The following FBXL13 variants were observed in gnomAD, a reference collection of about 807,000 sequenced individuals.
FBXL13 encodes F-box and leucine-rich repeat protein 13.
In FBXL13, 67 loss-of-function variants were observed where a neutral mutation model predicts 83.6. That is an observed-to-expected ratio of 0.80 (90% CI 0.66 to 0.98). The LOEUF (loss-of-function observed/expected upper bound fraction) is 0.98. Among genes scored for constraint, FBXL13 ranks in the 50% least tolerant of loss-of-function variants. FBXL13 has a pLI of 0.00. For synonymous variants in FBXL13, 272 were observed against 299.5 expected, an observed-to-expected ratio of 0.91 and a Z score of 0.95; for missense variants, 822 against 866.5, an observed-to-expected ratio of 0.95 and a Z score of 0.64.
exon 14 of FBXL13, chr7:102,883,361 G>A (rs1423387735): frequency 6.2e-7 from 1 of 1,613,560 alleles, no homozygotes; most frequent in South Asian, 1.1e-5. Flanking sequence ...AAAGGGATCT[G>A]AGGCTGCTGT....
intron 18 of FBXL13, among the ~76,000 whole-genome samples, chr7:102,826,746 T>TC (rs1799741324): frequency 1.0e-5 from 1 of 97,258 alleles, no homozygotes; most frequent in African/African-American, 5.0e-5. Flanking sequence ...TATATATATA[T>TC]ATATATATAT....
chr7:102,847,730 T>A (rs1178588415), intron 17 of FBXL13, among the ~76,000 whole-genome samples: 2 of 152,102 alleles, frequency 1.3e-5, no homozygotes, highest in Non-Finnish European at 2.9e-5. Flanking sequence ...GGTTTCACCA[T>A]GTTGGGCAGG....
chr7:102,877,368 A>C lies in FBXL13; in HGVS notation c.1635+99T>G, dbSNP rs1411269245. The C allele has an allele frequency of 2.9e-6, 3 of 1,049,178 alleles. No individual in the cohort carries two copies. In the East Asian group the frequency reaches 9.5e-5, roughly 33 times the overall value. The allele number at this position is 1,049,178 out of a possible 1,614,324, so 65.0% of individuals were successfully genotyped here. A position where few individuals can be genotyped will look rare whatever the true frequency, so the allele number is the denominator to read the frequency against. ...ACTTAACTTTTATAATAGAATAACA[A>C]ATAAAACATATTATTGTTCTCTCCA... On this transcript the variant is annotated intron_variant, in intron 16 of 19. Coordinates refer to ENST00000313221, the Ensembl canonical transcript of FBXL13.
chr7:102,941,258 T>A (rs1821362735), intron 8 of FBXL13, among the ~76,000 whole-genome samples: 1 of 152,122 alleles, frequency 6.6e-6, no homozygotes, highest in East Asian at 1.9e-4. Context: ...TAGCATTACA[T>A]TAGTGTGCAA....
chr7:103,027,385 T>G (rs1476175199), intron 5 of FBXL13, 64 bp downstream of exon 6: 4 of 1,082,930 alleles, frequency 3.7e-6, no homozygotes, highest in Non-Finnish European at 5.5e-6. Flanking sequence ...GCATTACTAT[T>G]TGAGGCAACA....
At chr7:102,952,819 A>C (rs1823620266) in intron 8 of FBXL13, among the ~76,000 whole-genome samples, 1 of 152,118 alleles carries the variant, frequency 6.6e-6, no homozygotes, top group Non-Finnish European at 1.5e-5. Context: ...CCCCGTCTCT[A>C]CTCAAAATAC....
intron 11 of FBXL13, among the ~76,000 whole-genome samples, chr7:102,893,962 G>GAAAGAA (rs1563055140): frequency 7.4e-6 from 1 of 135,794 alleles, no homozygotes; most frequent in African/African-American, 3.0e-5. Context: ...AAGAAAGAAA[G>GAAAGAA]AGAGAAAGAA....
At chr7:102,824,532 C>G (rs1799278620) in intron 18 of FBXL13, among the ~76,000 whole-genome samples, 1 of 151,962 alleles carries the variant, frequency 6.6e-6, no homozygotes, top group Non-Finnish European at 1.5e-5. Flanking sequence ...GTTGCACAGG[C>G]TGGAGTGTAG....
At chr7:103,036,868 C>G (rs1420851085) in intron 2 of FBXL13, among the ~76,000 whole-genome samples, 1 of 152,182 alleles carries the variant, frequency 6.6e-6, no homozygotes, top group Admixed American at 6.5e-5. Flanking sequence ...CGCTCACTAA[C>G]ATTTGTACTT....
At chr7:103,016,725 T>C (rs897113742) in intron 6 of FBXL13, among the ~76,000 whole-genome samples, 1 of 152,074 alleles carries the variant, frequency 6.6e-6, no homozygotes, top group South Asian at 2.1e-4. Flanking sequence ...GCCTCCCTCA[T>C]TGCTCGCACA....
intron 6 of FBXL13, among the ~76,000 whole-genome samples, chr7:102,969,587 T>C (rs1227767391): frequency 1.3e-5 from 2 of 151,878 alleles, no homozygotes; most frequent in African/African-American, 2.4e-5. Context: ...GGCAGGTGGA[T>C]TGCTTGAGGT....
chr7:103,055,217 A>C, intron 2 of FBXL13, 39 bp from the exon 3 acceptor site: 26 of 1,090,964 alleles, frequency 2.4e-5, no homozygotes, highest in Non-Finnish European at 3.0e-5. Flanking sequence ...AATTAATTTC[A>C]TTAATTAGTT....
chr7:103,010,456 T>G lies in FBXL13; in HGVS notation c.495+14607A>C, dbSNP rs533008983. ...TCCTATTGCCCTGGAAACACCTGGA[T>G]GGCAGGGTGGGCAACTCCACCCACC... On this transcript the variant is annotated intron_variant, in intron 6 of 19. Coordinates refer to ENST00000313221, the Ensembl canonical transcript of FBXL13. Among the ~76,000 whole-genome samples, 3 of 152,126 alleles carry G rather than the reference T, an allele frequency of 2.0e-5. No individual in the cohort carries two copies. In the East Asian group the frequency reaches 5.8e-4, roughly 30 times the overall value.
intron 6 of FBXL13, among the ~76,000 whole-genome samples, chr7:103,011,815 A>G (rs1791660555): frequency 6.6e-6 from 1 of 152,160 alleles, no homozygotes; most frequent in Admixed American, 6.5e-5. Flanking sequence ...AATAAAGGAG[A>G]ATGAACAAAA....
At chr7:103,008,272 G>A (rs1373510025) in intron 6 of FBXL13, among the ~76,000 whole-genome samples, 1 of 152,170 alleles carries the variant, frequency 6.6e-6, no homozygotes, top group Non-Finnish European at 1.5e-5. Context: ...CAAACTGGAG[G>A]AGGCCAAGGA....
intron 19 of FBXL13, among the ~76,000 whole-genome samples, chr7:102,817,193 A>C (rs540817386): frequency 1.3e-5 from 2 of 152,304 alleles, no homozygotes; most frequent in East Asian, 3.9e-4. Flanking sequence ...ACTGCTTTCT[A>C]TTTTGGCTGA....
rs1049604198 is a variant in FBXL13, at chr7:102,951,860, A to G, written c.724+11673T>C. Among the ~76,000 whole-genome samples, 3 of 151,918 alleles carry G rather than the reference A, an allele frequency of 2.0e-5. No homozygotes were observed. The South Asian group carries it at 6.2e-4, about 31-fold the overall frequency. ...AGATAAGCAAAATAGAAAATAGAAAATAGAGAATTAATAAAAATAAGGGTT... is the reference window on the plus strand; with the variant it reads ...AGATAAGCAAAATAGAAAATAGAAAGTAGAGAATTAATAAAAATAAGGGTT... On this transcript the variant is annotated intron_variant, in intron 8 of 19. Transcript: ENST00000313221.
intron 8 of FBXL13, chr7:102,939,512 C>A: frequency 6.2e-7 from 1 of 1,613,888 alleles, no homozygotes; most frequent in South Asian, 1.1e-5. Context: ...AACTTCGACC[C>A]AAGGAATTTG....
intron 6 of FBXL13, among the ~76,000 whole-genome samples, chr7:103,024,185 G>GAGAGAGAGAGAGAT (rs1793578029): frequency 7.1e-6 from 1 of 141,254 alleles, no homozygotes; most frequent in Non-Finnish European, 1.5e-5. Flanking sequence ...GAGAGAGAGA[G>GAGAGAGAGAGAGAT]AAATAATTAG....
Sources: gnomAD v4.1 joint callset for allele counts (sites outside exome capture counted in the v4.1 genomes callset) on GRCh38, gnomAD v4.1.1 for gene constraint, MANE v1.5 for transcripts, NCBI Gene and HGNC (gene_info 2026-07-23, HGNC 2026-07-21) for gene names.